LARGE1: variants seen among roughly 807,000 people sequenced by gnomAD.
LARGE1 encodes xylosyl- and glucuronyltransferase LARGE1.
LARGE1 carries 43 observed loss-of-function variants against 87.6 expected under a neutral mutation model. The observed-to-expected ratio is 0.49, with a 90% CI of 0.38 to 0.63. LARGE1 has a LOEUF of 0.63. Ranked by LOEUF, LARGE1 falls within the 30% of genes least tolerant of loss-of-function variation. The probability of loss-of-function intolerance (pLI) is 0.00; values close to 1 mark genes in which losing one functional copy is unlikely to be tolerated. For missense variants in LARGE1, 802 were observed against 1,000.2 expected (o/e 0.80, Z 2.67); for synonymous variants, 434 against 394.6 (o/e 1.10, Z -1.18).
rs1473135554 is a variant in LARGE1 at position 33,738,804 on chromosome 22, C to G, written c.106+22567G>C. On this transcript the variant is annotated intron_variant, in intron 2 of 14. Coordinates refer to ENST00000397394, the MANE Select transcript of LARGE1 (RefSeq NM_133642.5). ...AGCTTGCAGTAAGCCAAGATCACGC[C>G]ACTGCGCTCCAGCCTGGGTGACAGA... 2.0e-5 allele frequency among the ~76,000 whole-genome samples: 3 copies of G among 149,164 alleles called. 1 individual carries two copies. Among genetic ancestry groups the G allele is most frequent in the Non-Finnish European group, 4.4e-5 (3 of 67,630 alleles).
At chr22:33,480,415 G>A (rs972890888) in intron 6 of LARGE1, among the ~76,000 whole-genome samples, 5 of 2,358 alleles carry the variant, frequency 2.1e-3, no homozygotes, top group African/African-American at 0.015. Context: ...GAAGTCAAGC[G>A]GGTATAATCT....
intron 12 of LARGE1, among the ~76,000 whole-genome samples, chr22:33,285,624 AAAAC>A (rs57414667): frequency 0.012 from 1,828 of 151,624 alleles, 14 homozygotes; most frequent in Middle Eastern, 0.02. Flanking sequence ...ACCCTGTCAC[AAAAC>A]AAACAAACAA....
At chr22:33,544,958 A>T (rs2148661529) in intron 6 of LARGE1, among the ~76,000 whole-genome samples, 1 of 152,310 alleles carries the variant, frequency 6.6e-6, no homozygotes, top group South Asian at 2.1e-4. Flanking sequence ...GTTCAACAGA[A>T]AAACAGTCAT....
chr22:33,382,887 A>C (rs1164068904), intron 8 of LARGE1, among the ~76,000 whole-genome samples: 1 of 152,136 alleles, frequency 6.6e-6, no homozygotes. Flanking sequence ...TCTTAAACTC[A>C]TTCATTATAC....
chr22:33,067,305 A>T, the LARGE1 span, among the ~76,000 whole-genome samples: 1 of 152,124 alleles, frequency 6.6e-6, no homozygotes, highest in Non-Finnish European at 1.5e-5. Flanking sequence ...ATACATTCTT[A>T]TGACTTTTCC....
chr22:33,207,547 G>A (rs181349723), intron 11 of LARGE1, among the ~76,000 whole-genome samples: 1 of 152,288 alleles, frequency 6.6e-6, no homozygotes, highest in Non-Finnish European at 1.5e-5. Context: ...AGGTAGGAGG[G>A]AGGAGCACTG....
intron 6 of LARGE1, among the ~76,000 whole-genome samples, chr22:33,496,498 A>T (rs1178442493): frequency 6.6e-6 from 1 of 152,152 alleles, no homozygotes; most frequent in Non-Finnish European, 1.5e-5. Context: ...GTAATCCAAG[A>T]ACCAGGAAAA....
the LARGE1 span, among the ~76,000 whole-genome samples, chr22:33,072,293 G>C: frequency 7.9e-5 from 12 of 152,198 alleles, no homozygotes; most frequent in African/African-American, 2.9e-4. Flanking sequence ...AGGAGAAGGA[G>C]GAGGAGGTGG....
intron 1 of LARGE1, among the ~76,000 whole-genome samples, chr22:33,851,673 T>C (rs1050948416): frequency 2.0e-5 from 3 of 152,212 alleles, no homozygotes; most frequent in Non-Finnish European, 2.9e-5. Flanking sequence ...ATTTCAGAGA[T>C]CTCAGCAAGA....
intron 11 of LARGE1, among the ~76,000 whole-genome samples, chr22:33,238,618 G>C (rs1274842767): frequency 3.3e-5 from 5 of 152,054 alleles, no homozygotes; most frequent in African/African-American, 1.2e-4. Flanking sequence ...TAAAATCTCA[G>C]CAAGTACCAA....
intron 1 of LARGE1, among the ~76,000 whole-genome samples, chr22:33,795,784 GT>G (rs1414172407): frequency 6.6e-6 from 1 of 152,014 alleles, no homozygotes; most frequent in Non-Finnish European, 1.5e-5. Context: ...TCACTCATAG[GT>G]GGGAATTGAA....
chr22:33,416,797 T>C lies in LARGE1; in HGVS notation c.892+15364A>G, dbSNP rs546572676. 8.7e-3 allele frequency among the ~76,000 whole-genome samples: 1,323 copies of C among 152,088 alleles called. 23 individuals carry two copies. Among genetic ancestry groups the C allele is most frequent in the African/African-American group, 0.03 (1,253 of 41,440 alleles). On this transcript the variant is annotated intron_variant, in intron 7 of 14. Transcript: ENST00000397394. The stretch of plus-strand genomic sequence containing the variant: ...TTTTGTATTTTTAGTAGAGATGGGG[T>C]TTCACTATGTTGGTCAGGCTGGTCT...
At chr22:33,271,736 AGTTCTGGGAATGC>A (rs1390631066), downstream of LARGE1, among the ~76,000 whole-genome samples, 1 of 152,178 alleles carries the variant, frequency 6.6e-6, no homozygotes, top group African/African-American at 2.4e-5. Context: ...TCCCAGTGTA[AGTTCTGGGAATGC>A]AGGCTGCTGG....
At chr22:33,139,607 C>A in the LARGE1 span, among the ~76,000 whole-genome samples, 1 of 151,976 alleles carries the variant, frequency 6.6e-6, no homozygotes, top group Non-Finnish European at 1.5e-5. Flanking sequence ...CTTTGCTGTA[C>A]TTTTTAACTC....
intron 11 of LARGE1, among the ~76,000 whole-genome samples, chr22:33,179,766 T>C (rs1191674365): frequency 6.6e-6 from 1 of 152,152 alleles, no homozygotes; most frequent in African/African-American, 2.4e-5. Flanking sequence ...ATGGAAAGGG[T>C]GGGCAGGTTC....
intron 7 of LARGE1, among the ~76,000 whole-genome samples, chr22:33,424,214 G>T (rs1171320209): frequency 1.3e-5 from 2 of 152,202 alleles, no homozygotes; most frequent in Non-Finnish European, 2.9e-5. Context: ...GGAATTTTAA[G>T]TGATTCAGAA....
intron 2 of LARGE1, 61 bp from the exon 3 acceptor site, chr22:33,650,729 A>G: frequency 2.5e-6 from 4 of 1,577,086 alleles, no homozygotes; most frequent in Non-Finnish European, 3.4e-6. Context: ...AGCCCCTCCA[A>G]GTTCCCCAGA....
At chr22:33,745,463 G>C (rs2084044609) in intron 2 of LARGE1, among the ~76,000 whole-genome samples, 2 of 152,180 alleles carry the variant, frequency 1.3e-5, no homozygotes, top group South Asian at 4.1e-4. Flanking sequence ...CTCAGAACCA[G>C]TGCGTGTGTG....
chr22:33,252,820 T>C (rs1019327975), intron 11 of LARGE1, among the ~76,000 whole-genome samples: 1 of 152,172 alleles, frequency 6.6e-6, no homozygotes, highest in African/African-American at 2.4e-5. Flanking sequence ...AGAACAGAAT[T>C]TAGGAGACAC....
Sources: gnomAD v4.1 joint callset for allele counts (sites outside exome capture counted in the v4.1 genomes callset) on GRCh38, gnomAD v4.1.1 for gene constraint, MANE v1.5 for transcripts, NCBI Gene and HGNC (gene_info 2026-07-23, HGNC 2026-07-21) for gene names.